GALNT13: variants seen among roughly 807,000 people sequenced by gnomAD.
GALNT13 encodes UDP-GalNAc:polypeptide N-acetylgalactosaminyltransferase 13.
A neutral mutation model predicts 64.2 loss-of-function variants in GALNT13; 28 were observed. The observed-to-expected ratio is 0.44, with a 90% CI of 0.32 to 0.60. The LOEUF is 0.60. Ranked by LOEUF, GALNT13 falls within the 20% of genes least tolerant of loss-of-function variation. The probability of loss-of-function intolerance (pLI) is 0.05; values close to 1 mark genes in which losing one functional copy is unlikely to be tolerated. For missense variants in GALNT13, 577 were observed against 669.8 expected (o/e 0.86, Z 1.53); for synonymous variants, 214 against 224.6 (o/e 0.95, Z 0.42).
the GALNT13 span, among the ~76,000 whole-genome samples, chr2:153,726,883 T>G: frequency 1.4e-5 from 2 of 143,270 alleles, no homozygotes; most frequent in African/African-American, 2.6e-5. Context: ...GAGCTTGCAG[T>G]GAGCCGAAAT....
chr2:154,023,185 A>G (rs1015984254), intron 3 of GALNT13, among the ~76,000 whole-genome samples: 5 of 151,988 alleles, frequency 3.3e-5, no homozygotes, highest in African/African-American at 9.7e-5. Flanking sequence ...TGGGGTGGAG[A>G]GTTCTGTAGA....
chr2:153,228,038 TAAC>T, the GALNT13 span, among the ~76,000 whole-genome samples: 5 of 152,342 alleles, frequency 3.3e-5, no homozygotes, highest in East Asian at 9.7e-4. Flanking sequence ...GGTATAGTAC[TAAC>T]AATGCTCTTA....
the GALNT13 span, among the ~76,000 whole-genome samples, chr2:153,076,153 G>T: frequency 6.6e-6 from 1 of 152,156 alleles, no homozygotes; most frequent in Non-Finnish European, 1.5e-5. Context: ...GAAAGGCTAA[G>T]TGAAGTTGTA....
intron 3 of GALNT13, among the ~76,000 whole-genome samples, chr2:154,043,316 T>C (rs547229753): frequency 6.6e-6 from 1 of 150,508 alleles, no homozygotes; most frequent in Non-Finnish European, 1.5e-5. Context: ...TAAAAAAAAG[T>C]TAGGGATGCA....
intron 2 of GALNT13, among the ~76,000 whole-genome samples, chr2:153,939,086 T>A (rs946040290): frequency 9.2e-5 from 14 of 152,038 alleles, no homozygotes; most frequent in African/African-American, 3.4e-4. Flanking sequence ...TTCAATAAAT[T>A]GGGGGTGATA....
chr2:153,784,106 A>G, the GALNT13 span, among the ~76,000 whole-genome samples: 3 of 152,176 alleles, frequency 2.0e-5, no homozygotes, highest in Non-Finnish European at 2.9e-5. Context: ...AATGTGGGAA[A>G]GTTTTGAACT....
intron 12 of GALNT13, among the ~76,000 whole-genome samples, chr2:154,448,282 A>G (rs1292781190): frequency 6.6e-6 from 1 of 152,072 alleles, no homozygotes; most frequent in Non-Finnish European, 1.5e-5. Context: ...TACCATAAAC[A>G]ATGTAGCCTA....
rs548009929 is a variant in GALNT13 at position 154,413,611 on chromosome 2, C to A, written c.1395+4529C>A. 3.3e-5 allele frequency among the ~76,000 whole-genome samples: 5 copies of A among 152,048 alleles called. No individual in the cohort carries two copies. In the South Asian group the frequency reaches 1.0e-3, roughly 31 times the overall value. On this transcript the variant is annotated intron_variant, in intron 11 of 12. Transcript: ENST00000392825. The stretch of plus-strand genomic sequence containing the variant: ...ATCGGTCTCCTGTGCTCTAGACATA[C>A]GTCTCATGATTTCTCATTCCTTGAA...
At chr2:153,921,892 G>A in intron 2 of GALNT13, among the ~76,000 whole-genome samples, 1 of 151,208 alleles carries the variant, frequency 6.6e-6, no homozygotes, top group East Asian at 1.9e-4. Context: ...GACTATGGAT[G>A]GCAAATAAGA....
At chr2:153,396,550 T>A in the GALNT13 span, among the ~76,000 whole-genome samples, 22 of 152,022 alleles carry the variant, frequency 1.4e-4, no homozygotes, top group African/African-American at 4.6e-4. Context: ...CGCAATGTAA[T>A]GTGTATAAAA....
the GALNT13 span, among the ~76,000 whole-genome samples, chr2:153,213,146 C>A: frequency 1.1e-3 from 165 of 152,276 alleles, no homozygotes; most frequent in Middle Eastern, 6.8e-3. Context: ...CACATAAGAA[C>A]CCTGGAACTT....
At chr2:153,892,142 A>G (rs928497902) in intron 1 of GALNT13, among the ~76,000 whole-genome samples, 8 of 151,986 alleles carry the variant, frequency 5.3e-5, no homozygotes, top group Non-Finnish European at 2.9e-5. Flanking sequence ...CATGCCTCCC[A>G]TTTTAGATGA....
intron 3 of GALNT13, among the ~76,000 whole-genome samples, chr2:154,106,598 T>G (rs1355350844): frequency 1.3e-5 from 2 of 151,806 alleles, no homozygotes; most frequent in Non-Finnish European, 2.9e-5. Flanking sequence ...TATTACAGAT[T>G]TATTATAGAT....
At chr2:154,301,023 G>T (rs1294406715) in intron 8 of GALNT13, among the ~76,000 whole-genome samples, 2 of 152,154 alleles carry the variant, frequency 1.3e-5, no homozygotes, top group Non-Finnish European at 2.9e-5. Context: ...CCAGATGGAT[G>T]GAGAGTAACT....
At chr2:153,186,122 C>A in the GALNT13 span, among the ~76,000 whole-genome samples, 2 of 151,902 alleles carry the variant, frequency 1.3e-5, no homozygotes, top group African/African-American at 4.8e-5. Context: ...TAAGAATTTC[C>A]TTTATGAATC....
chr2:153,174,467 A>ATTTTTTTT, the GALNT13 span, among the ~76,000 whole-genome samples: 2 of 136,590 alleles, frequency 1.5e-5, no homozygotes, highest in Non-Finnish European at 3.2e-5. Context: ...CACATTTTCT[A>ATTTTTTTT]TTTTTTTTTT....
intron 9 of GALNT13, among the ~76,000 whole-genome samples, chr2:154,389,001 A>G (rs1307021404): frequency 6.6e-6 from 1 of 152,238 alleles, no homozygotes; most frequent in Non-Finnish European, 1.5e-5. Flanking sequence ...GCTGTATAAT[A>G]AACATTCATG....
intron 3 of GALNT13, among the ~76,000 whole-genome samples, chr2:154,110,004 G>A (rs1340899073): frequency 1.3e-5 from 2 of 151,676 alleles, no homozygotes; most frequent in Non-Finnish European, 2.9e-5. Flanking sequence ...GTTTGGATGT[G>A]TTCATTTCTT....
At chr2:153,850,593 T>C in the GALNT13 span, among the ~76,000 whole-genome samples, 1 of 152,150 alleles carries the variant, frequency 6.6e-6, no homozygotes, top group Admixed American at 6.5e-5. Flanking sequence ...AGTTAAAACA[T>C]GTAGAAAAGA....
Sources: gnomAD v4.1 joint callset for allele counts (sites outside exome capture counted in the v4.1 genomes callset) on GRCh38, gnomAD v4.1.1 for gene constraint, MANE v1.5 for transcripts, NCBI Gene and HGNC (gene_info 2026-07-23, HGNC 2026-07-21) for gene names.